The following CDC42SE2 variants were observed in gnomAD, a reference collection of about 807,000 sequenced individuals.
The protein encoded by CDC42SE2 is CDC42 small effector protein 2.
In CDC42SE2, 3 loss-of-function variants were observed where a neutral mutation model predicts 11.5. The ratio of observed to expected loss-of-function variants is 0.26; its 90% CI spans 0.12 to 0.67. The LOEUF (loss-of-function observed/expected upper bound fraction) is 0.67, where lower values mean the gene tolerates loss of function less well. Among genes scored for constraint, CDC42SE2 ranks in the 30% least tolerant of loss-of-function variants. The pLI is 0.80. For missense variants in CDC42SE2, 82 were observed against 106.8 expected (o/e 0.77, Z 1.02); for synonymous variants, 33 against 34.8 (o/e 0.95, Z 0.18).
intron 1 of CDC42SE2, among the ~76,000 whole-genome samples, chr5:131,305,137 T>A (rs957881379): frequency 6.6e-5 from 10 of 152,196 alleles, no homozygotes; most frequent in Admixed American, 5.2e-4. Flanking sequence ...TTTGTGTGGC[T>A]TCTTTGACTC....
chr5:131,272,852 A>G (rs1011584633), intron 1 of CDC42SE2, among the ~76,000 whole-genome samples: 3 of 151,986 alleles, frequency 2.0e-5, no homozygotes, highest in African/African-American at 4.8e-5. Flanking sequence ...TTATTGAGTG[A>G]CTTTGTTGGT....
At chr5:131,332,299 C>A (rs1240835235) in intron 2 of CDC42SE2, among the ~76,000 whole-genome samples, 2 of 151,684 alleles carry the variant, frequency 1.3e-5, no homozygotes, top group Admixed American at 1.3e-4. Context: ...ACATGAACTC[C>A]TCCTGTTTTA....
intron 1 of CDC42SE2, among the ~76,000 whole-genome samples, chr5:131,264,942 T>C (rs1580719283): frequency 6.6e-6 from 1 of 152,234 alleles, no homozygotes; most frequent in African/African-American, 2.4e-5. Context: ...GGGGGTGATG[T>C]GCAGTTTACA....
chr5:131,296,946 A>G (rs981904122), intron 1 of CDC42SE2, among the ~76,000 whole-genome samples: 6 of 152,048 alleles, frequency 3.9e-5, no homozygotes, highest in Non-Finnish European at 8.8e-5. Flanking sequence ...AGACCACTCC[A>G]CCTCTCTTAA....
At chr5:131,299,673 C>G (rs1757641452) in intron 1 of CDC42SE2, among the ~76,000 whole-genome samples, 1 of 152,066 alleles carries the variant, frequency 6.6e-6, no homozygotes, top group African/African-American at 2.4e-5. Flanking sequence ...GACAACTAGG[C>G]TGGAGAGCTT....
At chr5:131,232,144 A>C in the CDC42SE2 span, among the ~76,000 whole-genome samples, 4 of 145,474 alleles carry the variant, frequency 2.7e-5, no homozygotes, top group Non-Finnish European at 6.0e-5. Context: ...ACAGGGTCTT[A>C]CTCCAGTAGC....
At chr5:131,280,627 A>C (rs1230641766) in intron 1 of CDC42SE2, among the ~76,000 whole-genome samples, 1 of 152,186 alleles carries the variant, frequency 6.6e-6, no homozygotes, top group African/African-American at 2.4e-5. Flanking sequence ...TTACCATTGC[A>C]CAATAGCCTG....
chr5:131,355,488 A>AAG (rs948494295), intron 2 of CDC42SE2, among the ~76,000 whole-genome samples: 4 of 152,140 alleles, frequency 2.6e-5, no homozygotes, highest in African/African-American at 9.6e-5. Context: ...AAAAAAAAGA[A>AAG]AGAGAGAGAG....
chr5:131,332,974 T>G (rs1391692195), intron 2 of CDC42SE2, among the ~76,000 whole-genome samples: 3 of 152,206 alleles, frequency 2.0e-5, no homozygotes, highest in Admixed American at 6.5e-5. Context: ...TTAGTTTAAT[T>G]AGATCCCATT....
chr5:131,287,831 G>C (rs1757372985), intron 1 of CDC42SE2, among the ~76,000 whole-genome samples: 1 of 152,078 alleles, frequency 6.6e-6, no homozygotes, highest in Non-Finnish European at 1.5e-5. Context: ...ATTGCCAATA[G>C]ATGTAAAAGT....
In CDC42SE2 at chr5:131,267,349, G is replaced by A. The variant is rs553964037; in HGVS notation, c.-455+3183G>A. Reference sequence around the variant, plus strand: ...TGGGATTACAGGCGTGAGCCACCACGCCAGGCCATAATTTTTTTTTTTGTA... The same window carrying A: ...TGGGATTACAGGCGTGAGCCACCACACCAGGCCATAATTTTTTTTTTTGTA... On this transcript the variant is annotated intron_variant, in intron 1 of 4. Coordinates refer to ENST00000505065, the MANE Select transcript of CDC42SE2 (RefSeq NM_001375635.1). 4.6e-5 allele frequency among the ~76,000 whole-genome samples: 7 copies of A among 151,862 alleles called. No homozygotes were observed. The East Asian group carries it at 1.2e-3, about 25-fold the overall frequency.
upstream of CDC42SE2, among the ~76,000 whole-genome samples, chr5:131,259,079 T>C (rs1371001360): frequency 1.3e-5 from 2 of 152,234 alleles, no homozygotes; most frequent in African/African-American, 4.8e-5. Flanking sequence ...GGTTATTTTC[T>C]CCTTTCTCAA....
intron 1 of CDC42SE2, among the ~76,000 whole-genome samples, chr5:131,306,409 T>C (rs1182149337): frequency 6.6e-6 from 1 of 152,156 alleles, no homozygotes; most frequent in Non-Finnish European, 1.5e-5. Flanking sequence ...TTGACCATAA[T>C]TTGTAGGTTT....
chr5:131,285,018 T>C (rs1388436493), intron 1 of CDC42SE2, among the ~76,000 whole-genome samples: 1 of 151,596 alleles, frequency 6.6e-6, no homozygotes, highest in Non-Finnish European at 1.5e-5. Context: ...CCAGGCACAG[T>C]GGCTCATTCC....
intron 2 of CDC42SE2, among the ~76,000 whole-genome samples, chr5:131,316,564 A>G (rs1202903665): frequency 6.6e-6 from 1 of 152,210 alleles, no homozygotes; most frequent in African/African-American, 2.4e-5. Flanking sequence ...TGAGAGACAA[A>G]AGGGACATCT....
the CDC42SE2 span, among the ~76,000 whole-genome samples, chr5:131,210,226 CACAA>C: frequency 6.6e-5 from 10 of 152,220 alleles, no homozygotes; most frequent in African/African-American, 2.4e-4. Flanking sequence ...CTTATAGCAA[CACAA>C]ACAGACTGAT....
At chr5:131,357,683 G>A (rs1424445553) in intron 2 of CDC42SE2, among the ~76,000 whole-genome samples, 1 of 152,176 alleles carries the variant, frequency 6.6e-6, no homozygotes, top group African/African-American at 2.4e-5. Context: ...TACATCTTTA[G>A]TCTTTGATCT....
intron 1 of CDC42SE2, among the ~76,000 whole-genome samples, chr5:131,296,657 A>G (rs1204797847): frequency 1.3e-5 from 2 of 152,054 alleles, no homozygotes; most frequent in African/African-American, 4.8e-5. Flanking sequence ...CTCCAGTATG[A>G]TCTCATTTTA....
At chr5:131,295,091 C>T (rs1036642291) in intron 1 of CDC42SE2, among the ~76,000 whole-genome samples, 3 of 151,238 alleles carry the variant, frequency 2.0e-5, no homozygotes, top group Non-Finnish European at 2.9e-5. Flanking sequence ...CATGCCACTG[C>T]GCTCCATTCT....
Sources: gnomAD v4.1 joint callset for allele counts (sites outside exome capture counted in the v4.1 genomes callset) on GRCh38, gnomAD v4.1.1 for gene constraint, MANE v1.5 for transcripts, NCBI Gene and HGNC (gene_info 2026-07-23, HGNC 2026-07-21) for gene names.